TMEM245: variants seen among roughly 807,000 people sequenced by gnomAD.
The protein encoded by TMEM245 is protein CG-2.
A neutral mutation model predicts 101.2 loss-of-function variants in TMEM245; 69 were observed. The observed-to-expected ratio is 0.68, with a 90% CI of 0.56 to 0.83. The LOEUF (loss-of-function observed/expected upper bound fraction) is 0.83. TMEM245 is among the 40% of genes least tolerant of loss of function. TMEM245 has a pLI of 0.00. For missense variants in TMEM245, 1,075 were observed against 1,092.8 expected, an observed-to-expected ratio of 0.98 and a Z score of 0.23; for synonymous variants, 537 against 449.8, an observed-to-expected ratio of 1.19 and a Z score of -2.45.
intron 6 of TMEM245, among the ~76,000 whole-genome samples, chr9:109,086,251 G>A (rs1829832958): frequency 6.6e-6 from 1 of 152,112 alleles, no homozygotes; most frequent in African/African-American, 2.4e-5. Flanking sequence ...ATCTTTGTTG[G>A]GAATCCAACA....
At chr9:109,028,862 A>G (rs1448841566) in intron 17 of TMEM245, among the ~76,000 whole-genome samples, 2 of 152,184 alleles carry the variant, frequency 1.3e-5, no homozygotes, top group Non-Finnish European at 2.9e-5. Context: ...TGCTTGAAAG[A>G]GAACCCCAAT....
rs140573018 is a variant in TMEM245 at position 109,074,461 on chromosome 9, C to A, written c.1450-1023G>T. The stretch of plus-strand genomic sequence containing the variant: ...GAGCTGACAAATATATTACGATTCA[C>A]GAGTAACAGGGAGAAAAGAAGCCAC... On this transcript the variant is annotated intron_variant, in intron 8 of 17. Coordinates refer to ENST00000374586, the MANE Select transcript of TMEM245 (RefSeq NM_032012.4). 2.1e-3 allele frequency among the ~76,000 whole-genome samples: 323 copies of A among 152,152 alleles called. 3 individuals are homozygous for A. The highest frequency in any genetic ancestry group is 6.7e-3 in the African/African-American group (276 of 41,474).
At chr9:109,022,198 C>T (rs1244445849) in intron 17 of TMEM245, among the ~76,000 whole-genome samples, 2 of 152,184 alleles carry the variant, frequency 1.3e-5, no homozygotes, top group African/African-American at 2.4e-5. Flanking sequence ...TCAGTTATCT[C>T]AAGGCTCTTT....
At chr9:109,058,296 G>A (rs574676455) in intron 11 of TMEM245, among the ~76,000 whole-genome samples, 1 of 151,478 alleles carries the variant, frequency 6.6e-6, no homozygotes, top group Non-Finnish European at 1.5e-5. Context: ...GAGCCACCAC[G>A]CCCAGCCCTC....
chr9:109,073,391 A>T lies in TMEM245; in HGVS notation c.1497T>A (p.Ile499=). ...VHMIEVTSNL[I]NETLANHPEW... is the part of the protein sequence containing the mutation. Reference sequence around the variant, plus strand: ...CAGGGTGATTTGCTAGAGTTTCATTAATCAAATTACTTGTGACTTCAATCA... The same window carrying T: ...CAGGGTGATTTGCTAGAGTTTCATTTATCAAATTACTTGTGACTTCAATCA... The change falls in exon 9 of 18, where the codon ATT becomes ATA. Residue 499 remains isoleucine (I), a synonymous_variant. Coordinates refer to ENST00000374586, the MANE Select transcript of TMEM245 (RefSeq NM_032012.4). The T allele has an allele frequency of 6.2e-7, 1 of 1,613,120 alleles. No homozygotes were observed. The highest frequency in any genetic ancestry group is 2.2e-5 in the East Asian group (1 of 44,840).
chr9:109,061,449 C>T (rs1249750395), intron 10 of TMEM245, among the ~76,000 whole-genome samples: 1 of 152,194 alleles, frequency 6.6e-6, no homozygotes, highest in African/African-American at 2.4e-5. Context: ...ATTTTTTCTA[C>T]TTCATTATAA....
At chr9:109,056,278 T>C (rs759213467) in intron 12 of TMEM245, among the ~76,000 whole-genome samples, 6 of 151,970 alleles carry the variant, frequency 3.9e-5, no homozygotes, top group Non-Finnish European at 8.8e-5. Flanking sequence ...TTTTCAGTTA[T>C]GGTCATGTAT....
chr9:109,110,883 T>C (rs771060608), intron 1 of TMEM245, among the ~76,000 whole-genome samples: 14 of 152,164 alleles, frequency 9.2e-5, no homozygotes, highest in Non-Finnish European at 1.8e-4. Context: ...AGAGAACATC[T>C]GAACCACTTT....
chr9:109,016,503 G>C lies in TMEM245; in HGVS notation c.*3957C>G, dbSNP rs1827443782. 1 of 152,090 alleles carries C rather than the reference G, an allele frequency of 6.6e-6. No homozygotes were observed. 9.4% of individuals were successfully genotyped at this position (152,090 alleles called of 1,614,324 possible). On this transcript the variant is annotated 3_prime_UTR_variant, in exon 18 of 18. Transcript: ENST00000374586. ...TGTCAGACAAGCCACTTAAACCTAT[G>C]AATTTGGGTCTTTCTCTAGAAAGTG...
At chr9:109,101,798 C>A (rs949090088) in intron 3 of TMEM245, among the ~76,000 whole-genome samples, 4 of 152,134 alleles carry the variant, frequency 2.6e-5, no homozygotes, top group African/African-American at 9.7e-5. Context: ...AAGTTTATGG[C>A]TAGTATTCAT....
chr9:109,111,759 A>G (rs898059563), intron 1 of TMEM245, among the ~76,000 whole-genome samples: 2 of 152,208 alleles, frequency 1.3e-5, no homozygotes, highest in Admixed American at 1.3e-4. Context: ...CAGTATGATG[A>G]ACATCAATAT....
intron 7 of TMEM245, among the ~76,000 whole-genome samples, chr9:109,084,805 G>A (rs552717001): frequency 6.6e-6 from 1 of 152,292 alleles, no homozygotes; most frequent in South Asian, 2.1e-4. Context: ...TAGTTTTATA[G>A]GGAATGGAGA....
intron 1 of TMEM245, among the ~76,000 whole-genome samples, chr9:109,113,096 G>A (rs926143106): frequency 1.1e-4 from 16 of 152,220 alleles, no homozygotes; most frequent in South Asian, 4.1e-4. Context: ...GGGGCAGGGC[G>A]GGGGAAGGAA....
At position 109,087,354 on chromosome 9, in the gene TMEM245, C is replaced by A. The variant is rs1227205601; in HGVS notation, c.1151-12G>T. The stretch of plus-strand genomic sequence containing the variant: ...TTTGAGTATCCAGACTAAAAAAAGA[C>A]AAAAAATACATATATAAACAAAATA... On this transcript the variant is annotated splice_polypyrimidine_tract_variant and intron_variant, in intron 5 of 17. Coordinates refer to ENST00000374586, the MANE Select transcript of TMEM245 (RefSeq NM_032012.4). 2.5e-6 allele frequency: 4 copies of A among 1,576,528 alleles called. No individual in the cohort carries two copies. In the Admixed American group the frequency reaches 6.0e-5, roughly 24 times the overall value.
In TMEM245 at chr9:109,108,502, G is replaced by A; in HGVS notation, c.648C>T (p.Tyr216=). The change falls in exon 2 of 18, where the codon TAC becomes TAT. Residue 216 remains tyrosine, a synonymous_variant. Coordinates refer to ENST00000374586, the MANE Select transcript of TMEM245 (RefSeq NM_032012.4). ...SFKWNASTER[Y]LRAVSIPVWI... is the part of the protein sequence containing the mutation. ...AGACAGGAATTGAAACTGCTCTCAA[G>A]TAGCGTTCAGTGCTTGCATTCCACT... 6.2e-7 allele frequency: 1 copy of A among 1,602,956 alleles called. No homozygotes were observed. The highest frequency in any genetic ancestry group is 8.5e-7 in the Non-Finnish European group (1 of 1,175,422).
rs1262211765 is a variant in TMEM245, at chr9:109,015,988, A to G, written c.*4472T>C. The G allele has an allele frequency of 1.3e-5, 2 of 152,586 alleles. No individual in the cohort carries two copies. Among genetic ancestry groups the G allele is most frequent in the African/African-American group, 4.8e-5 (2 of 41,424 alleles). 9.5% of individuals were successfully genotyped at this position (152,586 alleles called of 1,614,324 possible). On this transcript the variant is annotated 3_prime_UTR_variant, in exon 18 of 18. Coordinates refer to ENST00000374586, the MANE Select transcript of TMEM245 (RefSeq NM_032012.4). ...AACAGCAAATATACTTGCTTTCTGG[A>G]CTTCAAGATTTATTACACACTACAT...
intron 11 of TMEM245, among the ~76,000 whole-genome samples, chr9:109,059,735 T>TAG (rs1828951346): frequency 6.6e-6 from 1 of 151,968 alleles, no homozygotes; most frequent in Non-Finnish European, 1.5e-5. Flanking sequence ...TCTAAGCGTT[T>TAG]AGATTCAGTT....
At chr9:109,116,747 C>G (rs564253031) in intron 1 of TMEM245, among the ~76,000 whole-genome samples, 59 of 151,958 alleles carry the variant, frequency 3.9e-4, no homozygotes, top group Middle Eastern at 3.4e-3. Context: ...AGGCTGATCT[C>G]GAACTCCTGG....
chr9:109,119,710 G>T lies in TMEM245; in HGVS notation c.204C>A (p.Gly68=), dbSNP rs749189228. Residue 68 remains glycine (G), a synonymous_variant, in exon 1 of 18, where the codon GGC becomes GGA. Transcript: ENST00000374586. Reference sequence around the variant, plus strand: ...GGATGAAGTAGACCAGCACCGCGGCGCCGCAGCACAGGCACACGAACAGCA... The same window carrying T: ...GGATGAAGTAGACCAGCACCGCGGCTCCGCAGCACAGGCACACGAACAGCA... The part of the protein sequence containing the change: ...GAVLFVCLCC[G]AAVLVYFILE... 3 of 1,549,270 alleles carry T rather than the reference G, an allele frequency of 1.9e-6. No homozygotes were observed. Among genetic ancestry groups the T allele is most frequent in the Non-Finnish European group, 1.7e-6 (2 of 1,151,814 alleles).
Sources: gnomAD v4.1 joint callset for allele counts (sites outside exome capture counted in the v4.1 genomes callset) on GRCh38, gnomAD v4.1.1 for gene constraint, MANE v1.5 for transcripts, NCBI Gene and HGNC (gene_info 2026-07-23, HGNC 2026-07-21) for gene names.